The following NAA38 variants were observed in gnomAD, a reference collection of about 807,000 sequenced individuals.
NAA38 encodes the protein LSM domain containing 1.
Under a neutral mutation model 12.6 loss-of-function variants are expected in NAA38, and 15 were observed. The observed-to-expected ratio is 1.19, with a 90% CI of 0.79 to 1.83. NAA38 has a LOEUF of 1.83. NAA38 is among the 40% of genes most tolerant of loss of function. The pLI, the probability that NAA38 is intolerant of heterozygous loss-of-function variation, is 0.00. For missense variants in NAA38, 183 were observed against 171.7 expected (o/e 1.07, Z -0.37); for synonymous variants, 88 against 69.9 (o/e 1.26, Z -1.29).
intron 2 of NAA38, among the ~76,000 whole-genome samples, chr17:7,880,552 G>A (rs979648851): frequency 6.6e-6 from 1 of 152,144 alleles, no homozygotes; most frequent in Non-Finnish European, 1.5e-5. Flanking sequence ...AGACTAGGAG[G>A]AAGACAAACT....
At chr17:7,873,362 A>G (rs1967119692) in intron 2 of NAA38, among the ~76,000 whole-genome samples, 1 of 152,192 alleles carries the variant, frequency 6.6e-6, no homozygotes, top group African/African-American at 2.4e-5. Flanking sequence ...GTGAAGAACT[A>G]AGAACATCCT....
At chr17:7,866,324 G>A (rs762688598) in intron 3 of NAA38, among the ~76,000 whole-genome samples, 1 of 143,356 alleles carries the variant, frequency 7.0e-6, no homozygotes, top group African/African-American at 2.6e-5. Flanking sequence ...TAGCCAGGAT[G>A]GTCTTGATCT....
chr17:7,856,921 G>C (rs900027177), intron 2 of NAA38, 78 bp from the exon 3 acceptor site: 25 of 1,592,168 alleles, frequency 1.6e-5, no homozygotes, highest in Admixed American at 1.5e-4. Context: ...ACGAGCCCCA[G>C]AAAACAAGGG....
At chr17:7,857,669 G>A (rs1200662121), upstream of NAA38, 3 of 1,331,926 alleles carry the variant, frequency 2.3e-6, no homozygotes, top group African/African-American at 3.0e-5. Context: ...TACGCCGGAT[G>A]TCTTAAGATA....
chr17:7,860,864 T>C (rs1370982659), upstream of NAA38: 1 of 151,928 alleles, frequency 6.6e-6, no homozygotes, highest in Non-Finnish European at 1.5e-5. Context: ...GGCAAAGAGG[T>C]GGGTATTTAC....
intron 3 of NAA38, chr17:7,865,424 G>C (rs1444791314): frequency 2.0e-5 from 3 of 152,176 alleles, no homozygotes; most frequent in African/African-American, 7.2e-5. Flanking sequence ...CTGCAATATG[G>C]GTAGGGCTCA....
chr17:7,858,036 C>G (rs754470365), upstream of NAA38: 46 of 1,551,246 alleles, frequency 3.0e-5, no homozygotes, highest in Non-Finnish European at 3.9e-5. Flanking sequence ...AACGCTCTCC[C>G]CTCGGCTCCC....
intron 3 of NAA38, chr17:7,865,584 A>G (rs1173958079): frequency 6.6e-6 from 1 of 152,188 alleles, no homozygotes; most frequent in Non-Finnish European, 1.5e-5. Flanking sequence ...TCCTCACAGC[A>G]TCCCAAGAGA....
intron 2 of NAA38, among the ~76,000 whole-genome samples, chr17:7,878,600 C>T (rs1967216753): frequency 6.6e-6 from 1 of 152,102 alleles, no homozygotes; most frequent in Non-Finnish European, 1.5e-5. Context: ...GTGGCACGCG[C>T]CTGTAATCCC....
intron 2 of NAA38, among the ~76,000 whole-genome samples, chr17:7,876,260 C>T (rs777779892): frequency 6.6e-6 from 1 of 151,926 alleles, no homozygotes; most frequent in Non-Finnish European, 1.5e-5. Context: ...ATGATCATGC[C>T]TTCCTTCTGA....
intron 2 of NAA38, among the ~76,000 whole-genome samples, chr17:7,866,823 G>A (rs1966992059): frequency 6.6e-6 from 1 of 152,108 alleles, no homozygotes; most frequent in Non-Finnish European, 1.5e-5. Flanking sequence ...AGTACCATGG[G>A]GGCAGGGGCC....
chr17:7,857,654 C>A (rs775483032), upstream of NAA38: 55 of 1,339,460 alleles, frequency 4.1e-5, no homozygotes, highest in Admixed American at 7.2e-5. Context: ...CTCACTGAAG[C>A]GTACTACGCC....
intron 2 of NAA38, among the ~76,000 whole-genome samples, chr17:7,874,432 G>T (rs1967138248): frequency 6.6e-6 from 1 of 152,154 alleles, no homozygotes; most frequent in African/African-American, 2.4e-5. Flanking sequence ...ATGATGGCAG[G>T]ACTAAGCCAG....
chr17:7,857,752 T>C (rs1032961848), upstream of NAA38: 3 of 1,276,402 alleles, frequency 2.4e-6, no homozygotes, highest in East Asian at 3.3e-5. Context: ...CATTCTTTCA[T>C]ACTGCCTCCT....
Position 7,857,208 on chromosome 17 carries a change from G to A in NAA38, c.82-10C>T. ...GCTCTCCGTCCGAATCCTGCGCGGG[G>A]TGTAACAAGCGCTCAGACCGCGCAG... On this transcript the variant is annotated splice_polypyrimidine_tract_variant and intron_variant, in intron 1 of 2. Transcript: ENST00000575771. 12 of 1,612,926 alleles carry A rather than the reference G, an allele frequency of 7.4e-6. No individual in the cohort carries two copies. Among genetic ancestry groups the A allele is most frequent in the Non-Finnish European group, 1.0e-5 (12 of 1,179,976 alleles).
intron 2 of NAA38, among the ~76,000 whole-genome samples, chr17:7,872,026 C>A (rs1036350107): frequency 6.6e-6 from 1 of 152,120 alleles, no homozygotes; most frequent in African/African-American, 2.4e-5. Flanking sequence ...TTTTGTAAGC[C>A]CTGGTTTCCT....
At chr17:7,857,913 C>A (rs2078843887), upstream of NAA38, 3 of 1,419,190 alleles carry the variant, frequency 2.1e-6, no homozygotes, top group Non-Finnish European at 2.8e-6. Context: ...ATATGCCCCA[C>A]GCGGGACTCA....
chr17:7,867,619 A>G (rs190937141), intron 2 of NAA38, among the ~76,000 whole-genome samples: 3,329 of 152,304 alleles, frequency 0.022, 57 homozygotes, highest in Middle Eastern at 0.085. Context: ...GGTGTGAGCC[A>G]CTGTACCTGG....
In NAA38 at chr17:7,856,834, G is replaced by A; in HGVS notation, c.275C>T (p.Ser92Phe). The A allele has an allele frequency of 6.2e-7, 1 of 1,613,818 alleles. No homozygotes were observed. Among genetic ancestry groups the A allele is most frequent in the South Asian group, 1.1e-5 (1 of 91,086 alleles). Residue 92 changes from serine (S) to phenylalanine (F), a missense_variant, in exon 3 of 3, where the codon TCT (serine) becomes TTT (phenylalanine). Physicochemically the swap from Ser to Phe is radical, Grantham distance 155. Transcript: ENST00000575771. ...GCCCAGCACACGGGGCTCCCCGGCAGAGAAGGAATCTGGAAAGAAGGATCA... is the reference window on the plus strand; with the variant it reads ...GCCCAGCACACGGGGCTCCCCGGCAAAGAAGGAATCTGGAAAGAAGGATCA... ...QEFLKPSDSFSAGEPRVLGLA... is the reference protein window; with the variant it reads ...QEFLKPSDSFFAGEPRVLGLA...
Sources: gnomAD v4.1 joint callset for allele counts (sites outside exome capture counted in the v4.1 genomes callset) on GRCh38, gnomAD v4.1.1 for gene constraint, MANE v1.5 for transcripts, NCBI Gene and HGNC (gene_info 2026-07-23, HGNC 2026-07-21) for gene names.